The following NIPBL variants were observed in gnomAD, a reference collection of about 807,000 sequenced individuals.
The protein encoded by NIPBL is NIPBL cohesin loading factor, also known as nipped-B-like protein.
NIPBL carries 19 observed loss-of-function variants against 321.8 expected under a neutral mutation model. That is an observed-to-expected ratio of 0.06 (90% CI 0.04 to 0.09). NIPBL has a LOEUF of 0.09. Ranked by LOEUF, NIPBL falls within the 10% of genes least tolerant of loss-of-function variation. The pLI is 1.00. For synonymous variants in NIPBL, 1,106 were observed against 1,114.1 expected (o/e 0.99, Z 0.14); for missense variants, 2,210 against 3,327.0 (o/e 0.66, Z 8.26).
chr5:36,956,053 C>T (rs294690), intron 3 of NIPBL, among the ~76,000 whole-genome samples: 6,119 of 147,070 alleles, frequency 0.042, 439 homozygotes, highest in African/African-American at 0.15. Context: ...AACCCCATCT[C>T]TACTAAAAAT....
chr5:37,062,770 A>G (rs1472501737), intron 45 of NIPBL, among the ~76,000 whole-genome samples: 4 of 152,076 alleles, frequency 2.6e-5, no homozygotes, highest in African/African-American at 9.7e-5. Flanking sequence ...AAATACAAAC[A>G]TTAGCCAGAC....
At chr5:37,064,087 AAAGAG>A in intron 46 of NIPBL, 109 bp downstream of exon 46, 1 of 1,486,120 alleles carries the variant, frequency 6.7e-7, no homozygotes, top group South Asian at 1.4e-5. Context: ...GTAATACTTA[AAAGAG>A]AAAACATTTT....
intron 42 of NIPBL, 51 bp from the exon 43 acceptor site, chr5:37,057,135 G>A (rs1401212167): frequency 6.2e-7 from 1 of 1,602,024 alleles, no homozygotes; most frequent in Non-Finnish European, 8.5e-7. Context: ...TTTTTTGGTT[G>A]GGTTTCTAGA....
In NIPBL at chr5:37,018,823, G is replaced by A. The variant is rs1377705945; in HGVS notation, c.4921-488G>A. On this transcript the variant is annotated intron_variant, in intron 24 of 46. Coordinates refer to ENST00000282516, the MANE Select transcript of NIPBL (RefSeq NM_133433.4). ...CTCTTTTTTTAAAAAATGACATATGGTTCATAAAAATAATGGCCGGGCGCA... is the reference window on the plus strand; with the variant it reads ...CTCTTTTTTTAAAAAATGACATATGATTCATAAAAATAATGGCCGGGCGCA... 6.6e-5 allele frequency among the ~76,000 whole-genome samples: 10 copies of A among 152,048 alleles called. No homozygotes were observed. The South Asian group carries it at 2.1e-3, about 32-fold the overall frequency.
intron 1 of NIPBL, among the ~76,000 whole-genome samples, chr5:36,927,484 C>T (rs916620926): frequency 4.6e-5 from 7 of 151,904 alleles, no homozygotes; most frequent in Non-Finnish European, 1.0e-4. Flanking sequence ...TGAAAAAGAC[C>T]AATTAAGAGT....
chr5:36,894,288 C>T (rs1413275628), intron 1 of NIPBL, among the ~76,000 whole-genome samples: 5 of 151,854 alleles, frequency 3.3e-5, no homozygotes. Context: ...ATAAGTACTC[C>T]TTAGTAACAC....
intron 8 of NIPBL, among the ~76,000 whole-genome samples, chr5:36,972,617 T>C (rs1742987513): frequency 6.6e-6 from 1 of 152,174 alleles, no homozygotes; most frequent in Non-Finnish European, 1.5e-5. Context: ...CAAGTTCTAA[T>C]TCTTCATTTC....
rs575833763 is a variant in NIPBL, at chr5:37,021,231, G to A, written c.5328+354G>A. ...GGAGAATTGCTTGAACCTGGGAGGT[G>A]GAAGTTGCAGTGAGCCGAGATCGTG... is the stretch of plus-strand genomic sequence containing the variant. On this transcript the variant is annotated intron_variant, in intron 27 of 46. Coordinates refer to ENST00000282516, the MANE Select transcript of NIPBL (RefSeq NM_133433.4). Among the ~76,000 whole-genome samples the A allele has an allele frequency of 1.2e-4, 18 of 152,250 alleles. No homozygotes were observed. The East Asian group carries it at 3.3e-3, about 28-fold the overall frequency.
chr5:37,038,506 T>A, intron 33 of NIPBL, 96 bp from the exon 34 acceptor site: 1 of 1,112,264 alleles, frequency 9.0e-7, no homozygotes, highest in Non-Finnish European at 1.3e-6. Flanking sequence ...ACTGGACCTA[T>A]TTAGGGGATA....
chr5:36,947,922 A>T (rs999642518), intron 1 of NIPBL, among the ~76,000 whole-genome samples: 3 of 151,900 alleles, frequency 2.0e-5, no homozygotes, highest in Non-Finnish European at 4.4e-5. Flanking sequence ...AGCTTGGTTG[A>T]TGAGCTTATG....
At position 37,065,124 on chromosome 5, in the gene NIPBL, C is replaced by T. The variant is rs1755250801; in HGVS notation, c.*232C>T. ...TTACTCCCACTGTATTATAGTTTAA[C>T]AAAAATTGTTTATATCTTGGAAAAA... On this transcript the variant is annotated 3_prime_UTR_variant, in exon 47 of 47. Coordinates refer to ENST00000282516, the MANE Select transcript of NIPBL (RefSeq NM_133433.4). The T allele has an allele frequency of 1.9e-6, 1 of 531,170 alleles. No homozygotes were observed. The highest frequency in any genetic ancestry group is 3.3e-6 in the Non-Finnish European group (1 of 301,770). The allele number at this position is 531,170 out of a possible 1,614,324, so 32.9% of individuals were successfully genotyped here.
intron 1 of NIPBL, among the ~76,000 whole-genome samples, chr5:36,932,318 T>C (rs897981617): frequency 5.9e-5 from 9 of 152,236 alleles, no homozygotes; most frequent in African/African-American, 1.9e-4. Context: ...TCTCTAGTTA[T>C]ATTTATCATT....
At chr5:37,057,442 T>C (rs1754218939) in intron 43 of NIPBL, 110 bp downstream of exon 43, 2 of 1,106,034 alleles carry the variant, frequency 1.8e-6, no homozygotes, top group Admixed American at 1.9e-5. Flanking sequence ...GTATATAAAA[T>C]CTTTCTAAGT....
chr5:37,036,317 G>A (rs990417153), intron 32 of NIPBL, 62 bp from the exon 33 acceptor site: 3 of 365,720 alleles, frequency 8.2e-6, no homozygotes, highest in Non-Finnish European at 1.3e-5. Flanking sequence ...ATTATACCGG[G>A]ATTTTTTTTT....
intron 1 of NIPBL, among the ~76,000 whole-genome samples, chr5:36,891,656 A>T (rs536927485): frequency 3.7e-4 from 57 of 152,284 alleles, no homozygotes; most frequent in African/African-American, 1.2e-3. Flanking sequence ...ATTATGAAGG[A>T]GTGGATATGC....
Position 37,038,598 on chromosome 5 carries a change from C to T in NIPBL, c.5972-4C>T, listed in dbSNP as rs779587473. On this transcript the variant is annotated splice_region_variant and splice_polypyrimidine_tract_variant and intron_variant, in intron 33 of 46. Transcript: ENST00000282516. The stretch of plus-strand genomic sequence containing the variant: ...GTGTCTTATTTCTCTGTTTGTTTTT[C>T]CAGACTCTGACAATAAAGGTGTGAA... 18 of 1,612,956 alleles carry T rather than the reference C, an allele frequency of 1.1e-5. No individual in the cohort carries two copies. Among genetic ancestry groups the T allele is most frequent in the Non-Finnish European group, 1.5e-5 (18 of 1,179,530 alleles).
At chr5:36,924,103 A>C (rs1749165610) in intron 1 of NIPBL, among the ~76,000 whole-genome samples, 1 of 152,172 alleles carries the variant, frequency 6.6e-6, no homozygotes, top group African/African-American at 2.4e-5. Flanking sequence ...TAATCAAACT[A>C]AATCAGATAA....
At chr5:36,951,128 A>G (rs1339385625) in intron 1 of NIPBL, among the ~76,000 whole-genome samples, 1 of 152,102 alleles carries the variant, frequency 6.6e-6, no homozygotes, top group Non-Finnish European at 1.5e-5. Context: ...CCCAGTGTTT[A>G]CTTGACATCA....
chr5:36,937,741 T>C (rs1329262438), intron 1 of NIPBL, among the ~76,000 whole-genome samples: 1 of 152,196 alleles, frequency 6.6e-6, no homozygotes, highest in Non-Finnish European at 1.5e-5. Context: ...ACTTTTATTT[T>C]ATACACATAT....
Sources: allele counts gnomAD v4.1 joint callset (sites outside exome capture counted in the v4.1 genomes callset), GRCh38; gene constraint gnomAD v4.1.1; transcripts MANE v1.5; gene names NCBI Gene and HGNC (gene_info 2026-07-23, HGNC 2026-07-21).